Variants in RBFOX1 observed in about 807,000 individuals in gnomAD.
The protein encoded by RBFOX1 is RNA binding protein fox-1 homolog 1.
In RBFOX1, 8 loss-of-function variants were observed where a neutral mutation model predicts 57.7. That is an observed-to-expected ratio of 0.14 (90% CI 0.08 to 0.25). The LOEUF (loss-of-function observed/expected upper bound fraction) is 0.25. Among genes scored for constraint, RBFOX1 ranks in the 10% least tolerant of loss-of-function variants. The probability of loss-of-function intolerance (pLI) is 1.00; values close to 1 mark genes in which losing one functional copy is unlikely to be tolerated. For missense variants in RBFOX1, 611 were observed against 548.5 expected, an observed-to-expected ratio of 1.11 and a Z score of -1.14; for synonymous variants, 326 against 222.4, an observed-to-expected ratio of 1.47 and a Z score of -4.15.
At chr16:7,514,538 C>G (rs570965287) in intron 4 of RBFOX1, among the ~76,000 whole-genome samples, 1 of 152,118 alleles carries the variant, frequency 6.6e-6, no homozygotes, top group African/African-American at 2.4e-5. Flanking sequence ...GCTGTGGCCA[C>G]CAGCTGCAGT....
chr16:6,730,002 T>C (rs1411049709), intron 3 of RBFOX1, among the ~76,000 whole-genome samples: 1 of 152,098 alleles, frequency 6.6e-6, no homozygotes, highest in Non-Finnish European at 1.5e-5. Context: ...TTGAATATTT[T>C]TGTCTAGGAA....
chr16:6,668,949 G>C (rs997460112), intron 3 of RBFOX1, among the ~76,000 whole-genome samples: 1 of 152,130 alleles, frequency 6.6e-6, no homozygotes, highest in Non-Finnish European at 1.5e-5. Context: ...GATGGCAGTG[G>C]CTTTTTTGTG....
intron 4 of RBFOX1, among the ~76,000 whole-genome samples, chr16:7,135,355 A>G (rs1225348134): frequency 1.3e-5 from 2 of 152,362 alleles, no homozygotes; most frequent in South Asian, 2.1e-4. Flanking sequence ...CAGAAAGAAC[A>G]CTGAGACTAG....
chr16:6,276,842 T>G (rs1226196047), intron 1 of RBFOX1, among the ~76,000 whole-genome samples: 1 of 151,696 alleles, frequency 6.6e-6, no homozygotes, highest in Non-Finnish European at 1.5e-5. Context: ...TTAACTATGC[T>G]CCTTCCAGGA....
intron 1 of RBFOX1, among the ~76,000 whole-genome samples, chr16:6,246,293 C>G (rs1323332818): frequency 6.6e-6 from 1 of 152,142 alleles, no homozygotes; most frequent in Non-Finnish European, 1.5e-5. Context: ...GTTTCCAGCT[C>G]TTAGTGGGCT....
At chr16:6,147,179 C>T (rs1418502446) in intron 1 of RBFOX1, among the ~76,000 whole-genome samples, 1 of 152,204 alleles carries the variant, frequency 6.6e-6, no homozygotes, top group Non-Finnish European at 1.5e-5. Context: ...CTAAAAGGAC[C>T]TCTTCAGAGC....
At chr16:6,643,455 G>C (rs2098508613) in intron 2 of RBFOX1, among the ~76,000 whole-genome samples, 1 of 151,966 alleles carries the variant, frequency 6.6e-6, no homozygotes, top group Non-Finnish European at 1.5e-5. Flanking sequence ...TTTGCGGTTG[G>C]AGGATTAAGT....
chr16:6,983,303 T>G (rs1383418792), intron 3 of RBFOX1, among the ~76,000 whole-genome samples: 3 of 152,110 alleles, frequency 2.0e-5, no homozygotes, highest in Non-Finnish European at 4.4e-5. Flanking sequence ...ATCCAATGAG[T>G]TTTGTCCATT....
chr16:5,814,871 G>C (rs565572002), intron 3 of RBFOX1, among the ~76,000 whole-genome samples: 257 of 152,290 alleles, frequency 1.7e-3, no homozygotes, highest in African/African-American at 6.0e-3. Context: ...GGAGCTTGCA[G>C]TGAGCCGAGA....
intron 3 of RBFOX1, among the ~76,000 whole-genome samples, chr16:6,682,984 A>AGT (rs1244897296): frequency 6.6e-6 from 1 of 151,958 alleles, no homozygotes; most frequent in Non-Finnish European, 1.5e-5. Flanking sequence ...TGCAGTGTTG[A>AGT]GTGCTTTACA....
chr16:5,278,664 C>G (rs2063199094), intron 1 of RBFOX1, among the ~76,000 whole-genome samples: 1 of 152,158 alleles, frequency 6.6e-6, no homozygotes, highest in South Asian at 2.1e-4. Context: ...GTTAGCCATG[C>G]AATCTTTGTT....
rs974461054 is a variant in RBFOX1, at chr16:5,946,499, G to A, written c.351+79164G>A. On this transcript the variant is annotated intron_variant, in intron 4 of 19. Transcript: ENST00000641259. This position sits in a 1 kb window ranked among gnomAD's most constrained non-coding sequence, Gnocchi z 4.6. ...GAATGGGAGTGCCTCATGGTGGGGT[G>A]CCTGGAGAGGACATGGAAGTTCTAC... Among the ~76,000 whole-genome samples the A allele has an allele frequency of 2.0e-5, 3 of 152,180 alleles. No homozygotes were observed. The highest frequency in any genetic ancestry group is 2.9e-5 in the Non-Finnish European group (2 of 68,032).
At chr16:5,746,642 A>G (rs1343383774) in intron 3 of RBFOX1, among the ~76,000 whole-genome samples, 1 of 152,116 alleles carries the variant, frequency 6.6e-6, no homozygotes, top group Non-Finnish European at 1.5e-5. Flanking sequence ...TTCTCCTTGA[A>G]GAGGTCCTTC....
chr16:6,046,891 G>A (rs943661755), intron 1 of RBFOX1, among the ~76,000 whole-genome samples: 3 of 152,156 alleles, frequency 2.0e-5, no homozygotes, highest in South Asian at 2.1e-4. Context: ...ATTATGGAGG[G>A]TGGGGAAATA....
chr16:6,942,514 C>T (rs73543280), intron 3 of RBFOX1, among the ~76,000 whole-genome samples: 21,412 of 152,018 alleles, frequency 0.14, 1,612 homozygotes, highest in East Asian at 0.24. Context: ...ATGAAGCTTC[C>T]TAGTGAGACT....
intron 3 of RBFOX1, among the ~76,000 whole-genome samples, chr16:6,756,064 C>T (rs772626038): frequency 2.0e-5 from 3 of 152,100 alleles, no homozygotes; most frequent in Non-Finnish European, 4.4e-5. Flanking sequence ...AGGGAGTGAC[C>T]ACATTGGCAG....
chr16:6,726,396 TC>T (rs780659696), intron 3 of RBFOX1, among the ~76,000 whole-genome samples: 4 of 81,210 alleles, frequency 4.9e-5, no homozygotes, highest in African/African-American at 1.2e-4. Context: ...CGCTATTTTT[TC>T]TTTTTTTTTT....
At chr16:7,323,248 C>A (rs1304787492) in intron 4 of RBFOX1, among the ~76,000 whole-genome samples, 3 of 152,042 alleles carry the variant, frequency 2.0e-5, no homozygotes, top group Non-Finnish European at 4.4e-5. Context: ...CACAGCGAGA[C>A]CCCCATCTCT....
At chr16:6,506,588 T>C (rs1329162781) in intron 2 of RBFOX1, among the ~76,000 whole-genome samples, 1 of 150,766 alleles carries the variant, frequency 6.6e-6, no homozygotes, top group Non-Finnish European at 1.5e-5. Flanking sequence ...ATGTTGAATT[T>C]GTCAGTATAA....
Sources: allele counts gnomAD v4.1 joint callset (sites outside exome capture counted in the v4.1 genomes callset), GRCh38; gene constraint gnomAD v4.1.1; non-coding constraint Gnocchi (gnomAD v3.1); transcripts MANE v1.5; gene names NCBI Gene and HGNC (gene_info 2026-07-23, HGNC 2026-07-21).